The following CADPS2 variants were observed in gnomAD, a reference collection of about 807,000 sequenced individuals.
The protein encoded by CADPS2 is calcium-dependent secretion activator 2.
A neutral mutation model predicts 172.5 loss-of-function variants in CADPS2; 93 were observed. The observed-to-expected ratio is 0.54, with a 90% CI of 0.46 to 0.64. CADPS2 has a LOEUF of 0.64. Among genes scored for constraint, CADPS2 ranks in the 30% least tolerant of loss-of-function variants. The pLI is 0.00. For synonymous variants in CADPS2, 546 were observed against 555.2 expected, an observed-to-expected ratio of 0.98 and a Z score of 0.23; for missense variants, 1,420 against 1,565.9, an observed-to-expected ratio of 0.91 and a Z score of 1.57.
intron 7 of CADPS2, among the ~76,000 whole-genome samples, chr7:122,565,667 A>T (rs2066366889): frequency 6.6e-6 from 1 of 152,200 alleles, no homozygotes; most frequent in Admixed American, 6.5e-5. Flanking sequence ...TACCACTGCT[A>T]AAGGCAACAG....
chr7:122,391,162 G>A (rs1226679537), intron 22 of CADPS2, among the ~76,000 whole-genome samples: 3 of 151,952 alleles, frequency 2.0e-5, no homozygotes, highest in East Asian at 1.9e-4. Context: ...ATAACATTAT[G>A]AGTAATTCTG....
chr7:122,718,505 G>A (rs774629391), intron 2 of CADPS2, among the ~76,000 whole-genome samples: 8 of 152,028 alleles, frequency 5.3e-5, no homozygotes, highest in Admixed American at 2.0e-4. Context: ...GATAGTTAAG[G>A]GTAGCCATGG....
chr7:122,857,062 G>A (rs768183736), intron 1 of CADPS2, among the ~76,000 whole-genome samples: 8 of 152,244 alleles, frequency 5.3e-5, no homozygotes, highest in Non-Finnish European at 1.2e-4. Context: ...TTGTATGTAT[G>A]AGGAAAGAAT....
intron 2 of CADPS2, among the ~76,000 whole-genome samples, chr7:122,674,687 C>T (rs1188039590): frequency 6.6e-6 from 1 of 152,178 alleles, no homozygotes; most frequent in East Asian, 1.9e-4. Context: ...TGCATTACTT[C>T]TTTGATTTAA....
chr7:122,754,873 C>G (rs2093095274), intron 1 of CADPS2, among the ~76,000 whole-genome samples: 1 of 152,188 alleles, frequency 6.6e-6, no homozygotes, highest in Admixed American at 6.5e-5. Flanking sequence ...ACCTCAGTAT[C>G]TCCTGATGCT....
chr7:122,370,531 T>C (rs953975836), intron 25 of CADPS2, among the ~76,000 whole-genome samples: 3 of 152,210 alleles, frequency 2.0e-5, no homozygotes, highest in African/African-American at 7.2e-5. Flanking sequence ...TACTTTCATC[T>C]ACTGGATTAT....
intron 7 of CADPS2, among the ~76,000 whole-genome samples, chr7:122,567,533 T>G (rs976024080): frequency 2.6e-5 from 4 of 152,186 alleles, no homozygotes; most frequent in Non-Finnish European, 5.9e-5. Flanking sequence ...TAAATAAATG[T>G]ACAATCTTCT....
In CADPS2 at chr7:122,615,263, C is replaced by G. The variant is rs370653073; in HGVS notation, c.1141G>C (p.Ala381Pro). 1 of 1,553,888 alleles carries G rather than the reference C, an allele frequency of 6.4e-7. No homozygotes were observed. Among genetic ancestry groups the G allele is most frequent in the African/African-American group, 1.4e-5 (1 of 73,570 alleles). ...IMEVQGLKSV[A>P]PNRIVYCTME... ...GTACAGTAAACAATTCGATTGGGAGCAACTGACTTCAGGCCTTGCACTTCC... is the reference window on the plus strand; with the variant it reads ...GTACAGTAAACAATTCGATTGGGAGGAACTGACTTCAGGCCTTGCACTTCC... The change falls in exon 6 of 30, where the codon GCT (alanine) becomes CCT (proline). Residue 381 changes from alanine (A) to proline (P), a missense_variant. Coordinates refer to ENST00000449022, the MANE Select transcript of CADPS2 (RefSeq NM_017954.11).
intron 1 of CADPS2, among the ~76,000 whole-genome samples, chr7:122,848,179 T>G (rs1381627784): frequency 6.6e-6 from 1 of 152,218 alleles, no homozygotes; most frequent in Non-Finnish European, 1.5e-5. Context: ...ATGTCTCTGA[T>G]AAAAGCAATG....
At chr7:122,758,212 C>T (rs1469122175) in intron 1 of CADPS2, among the ~76,000 whole-genome samples, 1 of 152,102 alleles carries the variant, frequency 6.6e-6, no homozygotes, top group Non-Finnish European at 1.5e-5. Context: ...TGAAAATTGC[C>T]AAGCCTTATT....
At chr7:122,724,636 C>G (rs1296793172) in intron 2 of CADPS2, among the ~76,000 whole-genome samples, 1 of 152,060 alleles carries the variant, frequency 6.6e-6, no homozygotes, top group African/African-American at 2.4e-5. Context: ...CTCCATTTTA[C>G]AGATGAATAA....
chr7:122,523,908 A>G (rs2061007184), intron 8 of CADPS2, among the ~76,000 whole-genome samples: 1 of 152,158 alleles, frequency 6.6e-6, no homozygotes, highest in African/African-American at 2.4e-5. Context: ...ACTTGCAGAG[A>G]GGTCTATTCC....
At position 122,514,575 on chromosome 7, in the gene CADPS2, T is replaced by C. The variant is rs189897250; in HGVS notation, c.1476-1260A>G. 7.1e-4 allele frequency among the ~76,000 whole-genome samples: 108 copies of C among 152,214 alleles called. 1 individual carries two copies. The East Asian group carries it at 0.018, about 25-fold the overall frequency. ...CACTACTAGTGGGAGTGTAACATCT[T>C]GGGAGATGATCTTCTTGTAGGATAA... On this transcript the variant is annotated intron_variant, in intron 8 of 29. Coordinates refer to ENST00000449022, the MANE Select transcript of CADPS2 (RefSeq NM_017954.11).
At chr7:122,504,234 A>G (rs1465866746) in intron 9 of CADPS2, among the ~76,000 whole-genome samples, 1 of 152,184 alleles carries the variant, frequency 6.6e-6, no homozygotes, top group Non-Finnish European at 1.5e-5. Context: ...AGAGAATTGG[A>G]GAGAACTGAT....
intron 2 of CADPS2, chr7:122,701,923 G>A (rs777470575): frequency 7.4e-6 from 12 of 1,613,596 alleles, no homozygotes; most frequent in Non-Finnish European, 1.0e-5. Context: ...AAAAATGTTT[G>A]CAAGTTAAAA....
At chr7:122,551,278 C>T (rs2064252674) in intron 8 of CADPS2, among the ~76,000 whole-genome samples, 1 of 151,940 alleles carries the variant, frequency 6.6e-6, no homozygotes, top group African/African-American at 2.4e-5. Flanking sequence ...ATAAAGCTTA[C>T]TCTCATTTGT....
At chr7:122,614,253 A>G (rs1475336462) in intron 6 of CADPS2, among the ~76,000 whole-genome samples, 1 of 151,990 alleles carries the variant, frequency 6.6e-6, no homozygotes, top group Non-Finnish European at 1.5e-5. Flanking sequence ...TAGGATGAGA[A>G]GCTTCAACTT....
intron 3 of CADPS2, among the ~76,000 whole-genome samples, chr7:122,645,140 C>T (rs941415906): frequency 6.6e-6 from 1 of 150,570 alleles, no homozygotes; most frequent in African/African-American, 2.4e-5. Context: ...TACATAAAAA[C>T]CGTGGGACTT....
chr7:122,474,283 C>A, intron 13 of CADPS2, 98 bp downstream of exon 13: 1 of 1,278,274 alleles, frequency 7.8e-7, no homozygotes. Context: ...TGGTTTATAA[C>A]AAGTATTTCT....
Sources: allele counts gnomAD v4.1 joint callset (sites outside exome capture counted in the v4.1 genomes callset), GRCh38; gene constraint gnomAD v4.1.1; transcripts MANE v1.5; gene names NCBI Gene and HGNC (gene_info 2026-07-23, HGNC 2026-07-21).